The following PRELID2 variants were observed in gnomAD, a reference collection of about 807,000 sequenced individuals.
PRELID2 encodes the protein PRELI domain containing 2.
In PRELID2, 25 loss-of-function variants were observed where a neutral mutation model predicts 28.4. That is an observed-to-expected ratio of 0.88 (90% CI 0.64 to 1.23). The LOEUF (loss-of-function observed/expected upper bound fraction) is 1.23, where lower values mean the gene tolerates loss of function less well. PRELID2 is among the 50% of genes most tolerant of loss of function. The probability of loss-of-function intolerance (pLI) is 0.00; values close to 1 mark genes in which losing one functional copy is unlikely to be tolerated. For synonymous variants in PRELID2, 76 were observed against 71.6 expected (o/e 1.06, Z -0.31); for missense variants, 201 against 214.4 (o/e 0.94, Z 0.39).
At chr5:145,587,538 T>C (rs1753170620) in intron 1 of PRELID2, among the ~76,000 whole-genome samples, 1 of 152,130 alleles carries the variant, frequency 6.6e-6, no homozygotes, top group African/African-American at 2.4e-5. Flanking sequence ...AAAATATATC[T>C]TTGGGGGCAA....
the PRELID2 span, among the ~76,000 whole-genome samples, chr5:145,364,215 G>T: frequency 6.6e-6 from 1 of 151,956 alleles, no homozygotes; most frequent in Non-Finnish European, 1.5e-5. Flanking sequence ...GAAGTATTCT[G>T]TCGATATCCA....
intron 1 of PRELID2, among the ~76,000 whole-genome samples, chr5:145,690,198 C>G (rs878892426): frequency 6.6e-6 from 1 of 151,888 alleles, no homozygotes; most frequent in South Asian, 2.1e-4. Context: ...CACCATGGTG[C>G]CCCCGGCCGG....
intron 1 of PRELID2, among the ~76,000 whole-genome samples, chr5:145,523,761 T>C (rs1035360049): frequency 2.0e-5 from 3 of 152,106 alleles, no homozygotes; most frequent in Non-Finnish European, 4.4e-5. Context: ...CATACCAATT[T>C]TGGGAGAACA....
intron 1 of PRELID2, among the ~76,000 whole-genome samples, chr5:145,592,892 C>T (rs1256117334): frequency 6.6e-6 from 1 of 152,126 alleles, no homozygotes; most frequent in Non-Finnish European, 1.5e-5. Context: ...AATAGTTTGA[C>T]TACACCTTCC....
chr5:145,723,776 G>A (rs535344674), intron 1 of PRELID2, among the ~76,000 whole-genome samples: 1 of 152,254 alleles, frequency 6.6e-6, no homozygotes, highest in East Asian at 1.9e-4. Context: ...TACGTTGGGG[G>A]AATTTGGCAA....
intron 1 of PRELID2, among the ~76,000 whole-genome samples, chr5:145,642,540 T>C (rs879269233): frequency 2.0e-5 from 3 of 152,236 alleles, no homozygotes; most frequent in Non-Finnish European, 4.4e-5. Context: ...TTTGTCAATT[T>C]TGGCTTTTGT....
the PRELID2 span, among the ~76,000 whole-genome samples, chr5:145,326,094 A>G: frequency 2.2e-3 from 340 of 152,238 alleles, 8 homozygotes; most frequent in East Asian, 0.045. Flanking sequence ...CTGCAGCCTC[A>G]ATCTTTGAGC....
intron 4 of PRELID2, among the ~76,000 whole-genome samples, chr5:145,814,503 C>T (rs2149851031): frequency 6.6e-6 from 1 of 152,228 alleles, no homozygotes; most frequent in East Asian, 1.9e-4. Flanking sequence ...TAAGACATGG[C>T]TTCACACCCA....
intron 1 of PRELID2, among the ~76,000 whole-genome samples, chr5:145,726,100 T>C (rs1474723874): frequency 6.6e-6 from 1 of 151,370 alleles, no homozygotes; most frequent in East Asian, 1.9e-4. Flanking sequence ...GCCCACGAGA[T>C]GGAGGTTGCA....
chr5:145,670,076 T>C (rs1754676174), intron 1 of PRELID2, among the ~76,000 whole-genome samples: 1 of 152,156 alleles, frequency 6.6e-6, no homozygotes, highest in African/African-American at 2.4e-5. Context: ...TTTGCATCAC[T>C]ATAAAGAAAT....
At chr5:145,292,734 G>A in the PRELID2 span, among the ~76,000 whole-genome samples, 1 of 151,980 alleles carries the variant, frequency 6.6e-6, no homozygotes, top group Non-Finnish European at 1.5e-5. Flanking sequence ...AAAAGACAGG[G>A]TCTCTCTCTA....
At chr5:145,462,673 A>G in the PRELID2 span, among the ~76,000 whole-genome samples, 1 of 152,248 alleles carries the variant, frequency 6.6e-6, no homozygotes. Flanking sequence ...GCAGGAGATC[A>G]GGGCTGAAAG....
chr5:145,737,390 T>G (rs1756525674), intron 1 of PRELID2, among the ~76,000 whole-genome samples: 1 of 151,010 alleles, frequency 6.6e-6, no homozygotes, highest in African/African-American at 2.4e-5. Context: ...AAAAAGTCAG[T>G]GGTGGTACAA....
At chr5:145,499,385 CTCTA>C (rs1421183827) in intron 1 of PRELID2, among the ~76,000 whole-genome samples, 8 of 152,202 alleles carry the variant, frequency 5.3e-5, no homozygotes, top group East Asian at 1.9e-4. Context: ...TGATTTTCCT[CTCTA>C]TCTTTTTCTG....
At chr5:145,628,743 A>G (rs1174523124) in intron 1 of PRELID2, among the ~76,000 whole-genome samples, 1 of 152,184 alleles carries the variant, frequency 6.6e-6, no homozygotes, top group Non-Finnish European at 1.5e-5. Flanking sequence ...TTATTAACTG[A>G]GCATTTTATG....
chr5:145,790,721 G>GTGTGTGTGTGTGTATATATATATA (rs772901344), intron 5 of PRELID2, among the ~76,000 whole-genome samples: 6 of 110,906 alleles, frequency 5.4e-5, no homozygotes, highest in Non-Finnish European at 9.4e-5. Flanking sequence ...GTGTGTGTGT[G>GTGTGTGTGTGTGTATATATATATA]TATATATATA....
chr5:145,517,231 C>T (rs546065074), intron 1 of PRELID2, among the ~76,000 whole-genome samples: 1 of 151,988 alleles, frequency 6.6e-6, no homozygotes, highest in South Asian at 2.1e-4. Flanking sequence ...TTTTTGCAAT[C>T]TATCCATCTG....
intron 5 of PRELID2, among the ~76,000 whole-genome samples, chr5:145,769,843 A>G (rs1757995854): frequency 1.3e-5 from 2 of 152,234 alleles, no homozygotes; most frequent in South Asian, 4.1e-4. Flanking sequence ...GCCTCTTCAG[A>G]GGAAATAGAG....
the PRELID2 span, among the ~76,000 whole-genome samples, chr5:145,421,489 C>T: frequency 0.012 from 1,819 of 149,770 alleles, 25 homozygotes; most frequent in African/African-American, 0.041. Context: ...GGAATTTATC[C>T]ATTTCTTCTA....
Sources: allele counts gnomAD v4.1 joint callset (sites outside exome capture counted in the v4.1 genomes callset), GRCh38; gene constraint gnomAD v4.1.1; transcripts MANE v1.5; gene names NCBI Gene and HGNC (gene_info 2026-07-23, HGNC 2026-07-21).